Variants in CAPRIN2 observed in about 807,000 individuals in gnomAD.
CAPRIN2 encodes caprin family member 2, also known as caprin-2.
A neutral mutation model predicts 130.4 loss-of-function variants in CAPRIN2; 66 were observed. That is an observed-to-expected ratio of 0.51 (90% CI 0.42 to 0.62). CAPRIN2 has a LOEUF of 0.62. Among genes scored for constraint, CAPRIN2 ranks in the 20% least tolerant of loss-of-function variants. The pLI is 0.00. For synonymous variants in CAPRIN2, 471 were observed against 444.1 expected (o/e 1.06, Z -0.76); for missense variants, 1,185 against 1,246.6 (o/e 0.95, Z 0.74).
At chr12:30,733,579 G>C (rs1439875199) in intron 5 of CAPRIN2, 50 bp downstream of exon 6, 1 of 1,245,338 alleles carries the variant, frequency 8.0e-7, no homozygotes, top group Non-Finnish European at 1.2e-6. Context: ...TAAACTTCTA[G>C]ACATAAAGTT....
chr12:30,720,765 G>A, intron 12 of CAPRIN2, 46 bp downstream of exon 13: 1 of 1,085,418 alleles, frequency 9.2e-7, no homozygotes, highest in Non-Finnish European at 1.4e-6. Flanking sequence ...AACTGGTTCT[G>A]CTATTCTTTA....
chr12:30,711,662 C>A (rs7962702), intron 15 of CAPRIN2, 33 bp from the exon 18 acceptor site: 3 of 1,556,068 alleles, frequency 1.9e-6, no homozygotes, highest in South Asian at 1.1e-5. Context: ...ACCTTGGCAT[C>A]AAAAATGCAG....
intron 3 of CAPRIN2, among the ~76,000 whole-genome samples, chr12:30,739,809 G>A (rs1325445786): frequency 6.6e-6 from 1 of 151,674 alleles, no homozygotes; most frequent in Non-Finnish European, 1.5e-5. Context: ...CCAGACTATT[G>A]TAAAAATCAA....
At chr12:30,748,683 T>C (rs1156429705) in intron 2 of CAPRIN2, among the ~76,000 whole-genome samples, 1 of 152,218 alleles carries the variant, frequency 6.6e-6, no homozygotes, top group Non-Finnish European at 1.5e-5. Flanking sequence ...CCTTCTGACT[T>C]ATCTGCATTT....
chr12:30,725,278 G>A (rs1278486951), intron 9 of CAPRIN2, among the ~76,000 whole-genome samples: 1 of 152,144 alleles, frequency 6.6e-6, no homozygotes, highest in African/African-American at 2.4e-5. Context: ...CATTTGCAGG[G>A]AGCATTTTAG....
At chr12:30,734,814 A>G (rs1025083562) in intron 4 of CAPRIN2, 154 bp downstream of exon 5, 8 of 636,130 alleles carry the variant, frequency 1.3e-5, no homozygotes, top group Non-Finnish European at 1.9e-5. Flanking sequence ...ATTGAATCAA[A>G]TTAATACTTT....
chr12:30,720,991 T>A (rs960312428), intron 11 of CAPRIN2, 76 bp from the exon 13 acceptor site: 3 of 986,996 alleles, frequency 3.0e-6, no homozygotes, highest in Non-Finnish European at 1.6e-6. Context: ...CTGGCCTTCC[T>A]AATATGTTAC....
chr12:30,735,890 C>T (rs1308487702), intron 3 of CAPRIN2, among the ~76,000 whole-genome samples: 2 of 152,122 alleles, frequency 1.3e-5, no homozygotes, highest in Non-Finnish European at 2.9e-5. Flanking sequence ...CCTGTAATCC[C>T]AGCCCTTTGG....
At chr12:30,733,304 T>G (rs2063366280) in intron 5 of CAPRIN2, among the ~76,000 whole-genome samples, 1 of 152,168 alleles carries the variant, frequency 6.6e-6, no homozygotes, top group Non-Finnish European at 1.5e-5. Flanking sequence ...TTAAGATTCT[T>G]AAATAGAACA....
At chr12:30,752,063 C>T (rs780716780) in intron 1 of CAPRIN2, among the ~76,000 whole-genome samples, 34 of 151,738 alleles carry the variant, frequency 2.2e-4, no homozygotes, top group Non-Finnish European at 4.3e-4. Flanking sequence ...GGATTACAGG[C>T]ACCCCCCACC....
exon 8 of CAPRIN2, chr12:30,728,787 C>G (rs767286795): frequency 1.6e-5 from 26 of 1,613,942 alleles, no homozygotes; most frequent in African/African-American, 2.7e-5. Flanking sequence ...ATTGTTTTCC[C>G]AGGATTTTGG....
intron 5 of CAPRIN2, among the ~76,000 whole-genome samples, chr12:30,731,762 T>C (rs1035878924): frequency 6.6e-6 from 1 of 152,056 alleles, no homozygotes; most frequent in African/African-American, 2.4e-5. Flanking sequence ...TTTAATGAGA[T>C]CAGAATCTCA....
rs1258738061 is a variant in CAPRIN2, at chr12:30,710,544, C to A, written c.2666-74G>T. Reference sequence around the variant, plus strand: ...GAACACAATATTTAACATTAGTCGGCTACTGAAACAGACAAAGATACATTT... The same window carrying A: ...GAACACAATATTTAACATTAGTCGGATACTGAAACAGACAAAGATACATTT... On this transcript the variant is annotated intron_variant, in intron 16 of 16. Coordinates refer to ENST00000298892, the Ensembl canonical transcript of CAPRIN2. This position sits in a 1 kb window ranked among gnomAD's most constrained non-coding sequence, Gnocchi z 4.8. The A allele has an allele frequency of 3.8e-6, 6 of 1,589,084 alleles. No homozygotes were observed. The highest frequency in any genetic ancestry group is 1.7e-4 in the Middle Eastern group (1 of 5,952).
chr12:30,728,446 T>A, intron 8 of CAPRIN2: 1 of 516,216 alleles, frequency 1.9e-6, no homozygotes, highest in East Asian at 3.3e-5. Flanking sequence ...TCCCAGCTAC[T>A]CAGGAGGCTG....
At chr12:30,737,398 T>C (rs570129787) in intron 3 of CAPRIN2, among the ~76,000 whole-genome samples, 60 of 152,184 alleles carry the variant, frequency 3.9e-4, no homozygotes, top group South Asian at 1.5e-3. Flanking sequence ...GCCTCAAATT[T>C]TTGTTGAATA....
In CAPRIN2 at chr12:30,710,487, A is replaced by G. The variant is rs2053940662; in HGVS notation, c.2666-17T>C. The G allele has an allele frequency of 1.2e-6, 2 of 1,613,620 alleles. No individual in the cohort carries two copies. Among genetic ancestry groups the G allele is most frequent in the African/African-American group, 1.3e-5 (1 of 75,058 alleles). ...TCCACCCTGCTGTTTTATTAGCAAC[A>G]GTGAGTTTCTCATAATGAAGCAGTT... On this transcript the variant is annotated splice_polypyrimidine_tract_variant and intron_variant, in intron 16 of 16. Coordinates refer to ENST00000298892, the Ensembl canonical transcript of CAPRIN2. The surrounding 1 kb of genome is among the most constrained non-coding windows in gnomAD (Gnocchi z 4.8).
chr12:30,729,197 A>G, exon 8 of CAPRIN2: 4 of 1,614,078 alleles, frequency 2.5e-6, no homozygotes, highest in Non-Finnish European at 3.4e-6. Flanking sequence ...TCTCTTGACC[A>G]TCTGGTTCAG....
intron 11 of CAPRIN2, 81 bp from the exon 13 acceptor site, chr12:30,720,996 T>C: frequency 1.1e-6 from 1 of 923,910 alleles, no homozygotes; most frequent in Non-Finnish European, 1.8e-6. Context: ...CTTCCTAATA[T>C]GTTACTCTTA....
chr12:30,753,243 T>G (rs1485434597), intron 1 of CAPRIN2, 101 bp downstream of exon 2: 3 of 956,476 alleles, frequency 3.1e-6, no homozygotes. Flanking sequence ...CTAAGGTTAG[T>G]TAAATTTTTA....
Sources: gnomAD v4.1 joint callset for allele counts (sites outside exome capture counted in the v4.1 genomes callset) on GRCh38, gnomAD v4.1.1 for gene constraint, Gnocchi (gnomAD v3.1) non-coding constraint, MANE v1.5 for transcripts, NCBI Gene and HGNC (gene_info 2026-07-23, HGNC 2026-07-21) for gene names.